The following BRAF variants were observed in gnomAD, a reference collection of about 807,000 sequenced individuals.
The protein encoded by BRAF is B-Raf proto-oncogene, serine/threonine kinase.
In BRAF, 16 loss-of-function variants were observed where a neutral mutation model predicts 104.6. The ratio of observed to expected loss-of-function variants is 0.15; its 90% CI spans 0.10 to 0.23. The LOEUF (loss-of-function observed/expected upper bound fraction) is 0.23. Ranked by LOEUF, BRAF falls within the 10% of genes least tolerant of loss-of-function variation. The pLI, the probability that BRAF is intolerant of heterozygous loss-of-function variation, is 1.00. For synonymous variants in BRAF, 310 were observed against 341.6 expected (o/e 0.91, Z 1.02); for missense variants, 541 against 937.3 (o/e 0.58, Z 5.52).
At chr7:140,799,811 G>C (rs1446139992) in intron 7 of BRAF, 1 of 240,400 alleles carries the variant, frequency 4.2e-6, no homozygotes, top group African/African-American at 2.2e-5. Context: ...TACATTGTTT[G>C]CCATTGTCTC....
chr7:140,893,814 T>C (rs983093600), intron 1 of BRAF, among the ~76,000 whole-genome samples: 1 of 151,898 alleles, frequency 6.6e-6, no homozygotes, highest in African/African-American at 2.4e-5. Flanking sequence ...AAATGCATTT[T>C]AGGGGAAAAA....
chr7:140,802,292 CTTTTTTTTT>C (rs144953895), intron 5 of BRAF, among the ~76,000 whole-genome samples: 1 of 103,310 alleles, frequency 9.7e-6, no homozygotes, highest in African/African-American at 4.5e-5. Flanking sequence ...ATGTTTGTGT[CTTTTTTTTT>C]TTTTTTTTTT....
intron 17 of BRAF, among the ~76,000 whole-genome samples, chr7:140,747,953 T>TCA (rs1797484787): frequency 6.6e-6 from 1 of 152,204 alleles, no homozygotes; most frequent in African/African-American, 2.4e-5. Context: ...TGTTACACAC[T>TCA]CAAAGCTAAG....
intron 1 of BRAF, among the ~76,000 whole-genome samples, chr7:140,913,685 T>C (rs1817273559): frequency 6.6e-6 from 1 of 152,054 alleles, no homozygotes; most frequent in African/African-American, 2.4e-5. Flanking sequence ...GGTTTCACCA[T>C]GTTGGCCAGG....
chr7:140,909,196 C>T (rs1432985157), intron 1 of BRAF, among the ~76,000 whole-genome samples: 5 of 152,034 alleles, frequency 3.3e-5, no homozygotes, highest in African/African-American at 7.2e-5. Context: ...GAGGCCGAGG[C>T]GGGCAGATCA....
intron 1 of BRAF, among the ~76,000 whole-genome samples, chr7:140,874,315 C>A (rs1811950400): frequency 6.6e-6 from 1 of 151,238 alleles, no homozygotes; most frequent in Non-Finnish European, 1.5e-5. Context: ...AATTCTCCTG[C>A]CTCAGCCTCC....
At position 140,802,424 on chromosome 7, in the gene BRAF, G is replaced by A. The variant is rs1007250180; in HGVS notation, c.712-864C>T. Among the ~76,000 whole-genome samples the A allele has an allele frequency of 2.1e-4, 32 of 150,940 alleles. No homozygotes were observed. In the Admixed American group the frequency reaches 2.1e-3, roughly 10 times the overall value. The stretch of plus-strand genomic sequence containing the variant: ...TGATTCTCCTGCTTCAGCCTCCCGA[G>A]CAGCTGGGACCACAGGCACATGCCA... On this transcript the variant is annotated intron_variant, in intron 5 of 19. Coordinates refer to ENST00000644969, the MANE Select transcript of BRAF (RefSeq NM_001374258.1).
At chr7:140,907,263 C>T (rs1372040212) in intron 1 of BRAF, among the ~76,000 whole-genome samples, 3 of 151,782 alleles carry the variant, frequency 2.0e-5, no homozygotes, top group African/African-American at 7.3e-5. Flanking sequence ...TGGGTTTTTC[C>T]CCCCCTTTTC....
intron 1 of BRAF, among the ~76,000 whole-genome samples, chr7:140,886,832 G>A (rs1459511293): frequency 1.3e-5 from 2 of 152,104 alleles, no homozygotes; most frequent in Non-Finnish European, 2.9e-5. Flanking sequence ...CCACATCTAA[G>A]CCCAGGACAT....
rs556348115 is a variant in BRAF, at chr7:140,825,178, C to A, written c.504+9431G>T. 1.1e-4 allele frequency among the ~76,000 whole-genome samples: 16 copies of A among 152,136 alleles called. No individual in the cohort carries two copies. The South Asian group carries it at 1.4e-3, about 14-fold the overall frequency. ...AAAGATGGGGTTTCACCATCTTGGC[C>A]AGGCTGGTCTTGAACTCCCGACCTC... On this transcript the variant is annotated intron_variant, in intron 3 of 19. Transcript: ENST00000644969.
At chr7:140,878,698 C>T (rs1812534056) in intron 1 of BRAF, among the ~76,000 whole-genome samples, 1 of 152,104 alleles carries the variant, frequency 6.6e-6, no homozygotes, top group Non-Finnish European at 1.5e-5. Context: ...AGGGAAATTA[C>T]AGTTAACAAT....
chr7:140,893,266 T>G (rs1814480610), intron 1 of BRAF, among the ~76,000 whole-genome samples: 1 of 151,806 alleles, frequency 6.6e-6, no homozygotes, highest in South Asian at 2.1e-4. Context: ...TTTTTTTTTT[T>G]TGAGACAGAG....
intron 1 of BRAF, among the ~76,000 whole-genome samples, chr7:140,875,851 A>G (rs1036104308): frequency 6.6e-6 from 1 of 152,256 alleles, no homozygotes; most frequent in African/African-American, 2.4e-5. Flanking sequence ...CAGTTAAAGT[A>G]TCTTTCAGAG....
chr7:140,826,710 G>T (rs577378079), intron 3 of BRAF, among the ~76,000 whole-genome samples: 1 of 152,114 alleles, frequency 6.6e-6, no homozygotes, highest in African/African-American at 2.4e-5. Context: ...GTGGGTTTGC[G>T]GGGGAAGTTG....
At position 140,724,428 on chromosome 7, in the gene BRAF, A is replaced by G. The variant is rs2130827145; in HGVS notation, c.*2066T>C. 9.5e-7 allele frequency: 1 copy of G among 1,055,702 alleles called. No individual in the cohort carries two copies. The allele number at this position is 1,055,702 out of a possible 1,614,324, so 65.4% of individuals were successfully genotyped here. ...CAAGAGAGGCAGTATTATTGCACAG[A>G]AGATGTTCTTCAAATCAGCGTGAAT... On this transcript the variant is annotated 3_prime_UTR_variant, in exon 20 of 20. Coordinates refer to ENST00000644969, the MANE Select transcript of BRAF (RefSeq NM_001374258.1).
chr7:140,915,513 C>A (rs993841513), intron 1 of BRAF, among the ~76,000 whole-genome samples: 5 of 151,196 alleles, frequency 3.3e-5, no homozygotes, highest in Non-Finnish European at 7.4e-5. Context: ...CGGCTCACTG[C>A]AACCTCCGCC....
intron 14 of BRAF, among the ~76,000 whole-genome samples, chr7:140,772,255 A>C (rs952349146): frequency 4.1e-5 from 6 of 146,872 alleles, no homozygotes; most frequent in Non-Finnish European, 8.9e-5. Flanking sequence ...CAGCCTGATT[A>C]AAACAGATTG....
At chr7:140,886,902 A>G (rs1442073258) in intron 1 of BRAF, among the ~76,000 whole-genome samples, 1 of 152,196 alleles carries the variant, frequency 6.6e-6, no homozygotes, top group Non-Finnish European at 1.5e-5. Flanking sequence ...ATTACACATT[A>G]TACTTTAGGA....
intron 2 of BRAF, among the ~76,000 whole-genome samples, chr7:140,846,447 G>T (rs1808550363): frequency 1.3e-5 from 2 of 152,154 alleles, no homozygotes; most frequent in African/African-American, 4.8e-5. Context: ...CCATTAACAT[G>T]AAGTTCCTAG....
Sources: allele counts gnomAD v4.1 joint callset (sites outside exome capture counted in the v4.1 genomes callset), GRCh38; gene constraint gnomAD v4.1.1; transcripts MANE v1.5; gene names NCBI Gene and HGNC (gene_info 2026-07-23, HGNC 2026-07-21).